Variants in NT5C3A observed in about 807,000 individuals in gnomAD.
NT5C3A encodes 5'-nucleotidase, cytosolic IIIA.
A neutral mutation model predicts 40.0 loss-of-function variants in NT5C3A; 23 were observed. The ratio of observed to expected loss-of-function variants is 0.58; its 90% CI spans 0.41 to 0.81. The LOEUF is 0.81. NT5C3A is among the 40% of genes least tolerant of loss of function. NT5C3A has a pLI of 0.00. For synonymous variants in NT5C3A, 130 were observed against 141.4 expected (o/e 0.92, Z 0.57); for missense variants, 328 against 403.0 (o/e 0.81, Z 1.59).
At chr7:33,060,644 T>A (rs764179819) in intron 1 of NT5C3A, among the ~76,000 whole-genome samples, 4 of 152,178 alleles carry the variant, frequency 2.6e-5, no homozygotes, top group Non-Finnish European at 4.4e-5. Context: ...AGGCCCAACT[T>A]GGTTAGGTAG....
intron 1 of NT5C3A, among the ~76,000 whole-genome samples, chr7:33,052,903 T>C (rs1425165184): frequency 6.6e-6 from 1 of 152,222 alleles, no homozygotes; most frequent in Non-Finnish European, 1.5e-5. Context: ...CTGCTCAATG[T>C]TGATGCCATG....
chr7:33,055,326 A>ATT (rs1787528697), intron 1 of NT5C3A, among the ~76,000 whole-genome samples: 1 of 152,138 alleles, frequency 6.6e-6, no homozygotes, highest in Non-Finnish European at 1.5e-5. Flanking sequence ...TCGGAAAAAA[A>ATT]AAAAAAGAAG....
At chr7:33,024,808 CATATAT>C (rs375361063) in intron 2 of NT5C3A, among the ~76,000 whole-genome samples, 6 of 151,902 alleles carry the variant, frequency 3.9e-5, no homozygotes, top group Admixed American at 3.9e-4. Context: ...ACATGTACCG[CATATAT>C]ATATACAGTT....
At chr7:33,016,018 A>G (rs1785304318) in intron 7 of NT5C3A, 148 bp from the exon 8 acceptor site, 3 of 655,462 alleles carry the variant, frequency 4.6e-6, no homozygotes, top group South Asian at 3.6e-5. Flanking sequence ...ACTTAAGTCC[A>G]TCACATTCAC....
chr7:33,029,401 A>G lies in NT5C3A; in HGVS notation c.139-2486T>C, dbSNP rs148259882. ...GTTTTAGGGACCACTGCTGTTTTGGAATATCACTTCTGTAACTCCCTTACA... is the reference window on the plus strand; with the variant it reads ...GTTTTAGGGACCACTGCTGTTTTGGGATATCACTTCTGTAACTCCCTTACA... On this transcript the variant is annotated intron_variant, in intron 1 of 8. Transcript: ENST00000610140. The G allele has an allele frequency of 1.2e-5, 4 of 334,976 alleles. No individual in the cohort carries two copies. In the East Asian group the frequency reaches 2.3e-4, roughly 19 times the overall value. The allele number at this position is 334,976 out of a possible 1,614,324, so 20.8% of individuals were successfully genotyped here. A position where few individuals can be genotyped will look rare whatever the true frequency, so the allele number is the denominator to read the frequency against.
Position 33,019,645 on chromosome 7 carries a change from C to T in NT5C3A, c.520G>A (p.Val174Ile), listed in dbSNP as rs769817076. 5.6e-6 allele frequency: 9 copies of T among 1,594,096 alleles called. No homozygotes were observed. The highest frequency in any genetic ancestry group is 1.3e-5 in the African/African-American group (1 of 74,498). ...ATCCAAGAAACTTACTTGAGCATAA[C>T]GTCAGATTCTGCCACAATTTCTTTA... ...KLKEIVAESD[V>I]MLKEGYENFF... is the part of the protein sequence containing the mutation. Residue 174 changes from valine (V) to isoleucine (I), a missense_variant, in exon 6 of 9, where the codon GTT (valine) becomes ATT (isoleucine). Coordinates refer to ENST00000610140, the MANE Select transcript of NT5C3A (RefSeq NM_001002010.5).
rs546055438 is a variant in NT5C3A, at chr7:33,052,482, T to C, written c.138+10086A>G. On this transcript the variant is annotated intron_variant, in intron 1 of 8. Transcript: ENST00000610140. ...GCCTGGGCAACAGAGAGAGACTCGG[T>C]CTCAAAAAAAAAAAAAAAAAAAAAA... Among the ~76,000 whole-genome samples the C allele has an allele frequency of 5.4e-3, 277 of 51,474 alleles. 2 individuals carry two copies. Among genetic ancestry groups the C allele is most frequent in the African/African-American group, 0.027 (260 of 9,502 alleles). 33.8% of individuals were successfully genotyped at this position (51,474 alleles called of 152,430 possible). A position where few individuals can be genotyped will look rare whatever the true frequency, so the allele number is the denominator to read the frequency against.
chr7:33,020,273 C>T (rs1785552132), intron 5 of NT5C3A, among the ~76,000 whole-genome samples: 2 of 151,948 alleles, frequency 1.3e-5, no homozygotes, highest in South Asian at 4.2e-4. Flanking sequence ...CAAACAGCCA[C>T]TAAAAACAGA....
intron 1 of NT5C3A, among the ~76,000 whole-genome samples, chr7:33,039,566 T>G (rs1385380516): frequency 4.1e-5 from 6 of 144,596 alleles, no homozygotes; most frequent in East Asian, 2.0e-4. Context: ...TTTTTTGTTT[T>G]TTTTTTTTTT....
chr7:33,027,998 T>C (rs1305272555), intron 1 of NT5C3A, among the ~76,000 whole-genome samples: 1 of 152,242 alleles, frequency 6.6e-6, no homozygotes, highest in African/African-American at 2.4e-5. Flanking sequence ...CCCCCAAAAG[T>C]TTGTCTTTGT....
At chr7:33,032,946 C>A (rs912333766) in intron 1 of NT5C3A, among the ~76,000 whole-genome samples, 1 of 150,476 alleles carries the variant, frequency 6.6e-6, no homozygotes, top group Non-Finnish European at 1.5e-5. Context: ...AGAGACGGGT[C>A]TCACTATGTT....
At chr7:33,034,142 C>T (rs1379604144) in intron 1 of NT5C3A, among the ~76,000 whole-genome samples, 3 of 152,118 alleles carry the variant, frequency 2.0e-5, no homozygotes, top group East Asian at 1.9e-4. Context: ...CTGCCCACCT[C>T]GGCCTCTCAA....
intron 5 of NT5C3A, among the ~76,000 whole-genome samples, chr7:33,020,835 C>T (rs957093349): frequency 9.9e-5 from 14 of 141,418 alleles, no homozygotes; most frequent in Non-Finnish European, 1.5e-4. Flanking sequence ...TTCCAGAATC[C>T]GACACAGTGC....
rs374910806 is a variant in NT5C3A, at chr7:33,058,449, C to T, written c.138+4119G>A. ...GCAACCTCTGCCTCCTGGTTTCAAG[C>T]GATTCTCCTGCCTCAGCCTCCCAAG... On this transcript the variant is annotated intron_variant, in intron 1 of 8. Coordinates refer to ENST00000610140, the MANE Select transcript of NT5C3A (RefSeq NM_001002010.5). Among the ~76,000 whole-genome samples, 15 of 152,090 alleles carry T rather than the reference C, an allele frequency of 9.9e-5. No homozygotes were observed. In the South Asian group the frequency reaches 1.2e-3, roughly 13 times the overall value.
intron 1 of NT5C3A, chr7:33,036,458 C>CTT (rs199569689): frequency 1.3e-4 from 20 of 159,564 alleles, no homozygotes; most frequent in Middle Eastern, 3.0e-3. Context: ...CATAAAGCAT[C>CTT]TTTTTTTTTT....
intron 4 of NT5C3A, 135 bp downstream of exon 4, chr7:33,021,918 A>T (rs556079035): frequency 3.0e-6 from 2 of 662,584 alleles, no homozygotes; most frequent in African/African-American, 3.6e-5. Flanking sequence ...CTATTTACTG[A>T]GTGCTTACTA....
chr7:33,047,708 A>G (rs1316168722), intron 1 of NT5C3A, among the ~76,000 whole-genome samples: 3 of 152,196 alleles, frequency 2.0e-5, no homozygotes, highest in African/African-American at 7.2e-5. Flanking sequence ...CACTTACTAA[A>G]ACGGGGGTCT....
chr7:33,036,683 A>C (rs527708137), intron 1 of NT5C3A, among the ~76,000 whole-genome samples: 1 of 152,220 alleles, frequency 6.6e-6, no homozygotes, highest in African/African-American at 2.4e-5. Context: ...TTGTGGGAAA[A>C]TTATGCATTG....
At chr7:33,031,623 A>T (rs1786264015) in intron 1 of NT5C3A, among the ~76,000 whole-genome samples, 1 of 152,084 alleles carries the variant, frequency 6.6e-6, no homozygotes, top group African/African-American at 2.4e-5. Context: ...TTTTGTATTA[A>T]AAAACACACA....
Sources: gnomAD v4.1 joint callset for allele counts (sites outside exome capture counted in the v4.1 genomes callset) on GRCh38, gnomAD v4.1.1 for gene constraint, MANE v1.5 for transcripts, NCBI Gene and HGNC (gene_info 2026-07-23, HGNC 2026-07-21) for gene names.